Variants in GTF2H5 observed in about 807,000 individuals in gnomAD.
The protein encoded by GTF2H5 is TFB5 ortholog.
A neutral mutation model predicts 7.1 loss-of-function variants in GTF2H5; 5 were observed. The ratio of observed to expected loss-of-function variants is 0.71; its 90% CI spans 0.37 to 1.49. The LOEUF (loss-of-function observed/expected upper bound fraction) is 1.49, where lower values mean the gene tolerates loss of function less well. Among genes scored for constraint, GTF2H5 ranks in the 40% most tolerant of loss-of-function variants. GTF2H5 has a pLI of 0.03. For synonymous variants in GTF2H5, 30 were observed against 31.7 expected, an observed-to-expected ratio of 0.95 and a Z score of 0.18; for missense variants, 80 against 83.0, an observed-to-expected ratio of 0.96 and a Z score of 0.14.
intron 2 of GTF2H5, among the ~76,000 whole-genome samples, chr6:158,185,950 C>T (rs904074636): frequency 2.0e-5 from 3 of 152,090 alleles, no homozygotes; most frequent in East Asian, 1.9e-4. Flanking sequence ...GCCGTGATGA[C>T]GCCTACTGCC....
chr6:158,169,111 G>C (rs1013140935), intron 1 of GTF2H5, among the ~76,000 whole-genome samples: 1 of 150,664 alleles, frequency 6.6e-6, no homozygotes, highest in Non-Finnish European at 1.5e-5. Flanking sequence ...GCGGGCGCCT[G>C]TAGTCCCCGC....
At chr6:158,188,963 C>T (rs1221027198) in intron 2 of GTF2H5, among the ~76,000 whole-genome samples, 4 of 150,024 alleles carry the variant, frequency 2.7e-5, no homozygotes, top group African/African-American at 7.4e-5. Flanking sequence ...ACCTACCCAC[C>T]GCAATCCTTT....
chr6:158,169,514 T>TAA (rs1785751489), intron 1 of GTF2H5, among the ~76,000 whole-genome samples: 1 of 74,074 alleles, frequency 1.3e-5, no homozygotes, highest in South Asian at 3.9e-4. Context: ...ATATTGTATA[T>TAA]TATATATAAT....
In GTF2H5 at chr6:158,193,985, T is replaced by C. The variant is rs1777068315; in HGVS notation, c.*1828T>C. 1.0e-5 allele frequency: 1 copy of C among 98,768 alleles called. No homozygotes were observed. Among genetic ancestry groups the C allele is most frequent in the Non-Finnish European group, 1.8e-5 (1 of 55,174 alleles). 6.1% of individuals were successfully genotyped at this position (98,768 alleles called of 1,614,324 possible). ...GCCTGGGCGACAGAGGGAGACTCCA[T>C]CTCAAAAAAAAAAAAAAAAAAAAAT... On this transcript the variant is annotated 3_prime_UTR_variant, in exon 3 of 3. Transcript: ENST00000607778.
chr6:158,169,659 A>AT lies in GTF2H5; in HGVS notation c.-34-811_-34-810insT, dbSNP rs1562469003. ...ATTACATATATTGTATATTACATAT[A>AT]ATATATTGTATATTATATAATATAT... On this transcript the variant is annotated intron_variant, in intron 1 of 2. Coordinates refer to ENST00000607778, the MANE Select transcript of GTF2H5 (RefSeq NM_207118.3). Among the ~76,000 whole-genome samples, 3 of 68,676 alleles carry AT rather than the reference A, an allele frequency of 4.4e-5. 1 individual carries two copies. Among genetic ancestry groups the AT allele is most frequent in the East Asian group, 1.1e-3 (2 of 1,792 alleles). 45.1% of individuals were successfully genotyped at this position (68,676 alleles called of 152,430 possible).
At chr6:158,169,733 G>A (rs1212990802) in intron 1 of GTF2H5, among the ~76,000 whole-genome samples, 2,588 of 72,210 alleles carry the variant, frequency 0.036, 262 homozygotes, top group Non-Finnish European at 0.051. Context: ...ATAATATATT[G>A]TATATTATAT....
Position 158,169,425 on chromosome 6 carries a change from A to ATATGTATATTATATATTATATATAATAT in GTF2H5, c.-35+1033_-35+1034insGTATATTATATATTATATATAATATTAT, listed in dbSNP as rs1231681450. On this transcript the variant is annotated intron_variant, in intron 1 of 2. Transcript: ENST00000607778. ...TATTGTATATTATATATTATATATA[A>ATATGTATATTATATATTATATATAATAT]TATATTGTATATTATATATATTATA... 2.2e-3 allele frequency among the ~76,000 whole-genome samples: 162 copies of ATATGTATATTATATATTATATATAATAT among 72,828 alleles called. 9 individuals carry two copies. Among genetic ancestry groups the ATATGTATATTATATATTATATATAATAT allele is most frequent in the East Asian group, 8.7e-3 (16 of 1,836 alleles). The allele number at this position is 72,828 out of a possible 152,430, so 47.8% of individuals were successfully genotyped here. A position where few individuals can be genotyped will look rare whatever the true frequency, so the allele number is the denominator to read the frequency against.
rs1260406377 is a variant in GTF2H5 at position 158,196,792 on chromosome 6, A to G, written c.*4635A>G. On this transcript the variant is annotated 3_prime_UTR_variant, in exon 3 of 3. Transcript: ENST00000607778. ...TGGATAATTCATTTTAAGAAAGGAC[A>G]AGACAATGTTGAAGATGAAACCTAC... is the stretch of plus-strand genomic sequence containing the variant. The G allele has an allele frequency of 1.3e-5, 2 of 152,242 alleles. No homozygotes were observed. Among genetic ancestry groups the G allele is most frequent in the Non-Finnish European group, 2.9e-5 (2 of 68,038 alleles). The allele number at this position is 152,242 out of a possible 1,614,324, so 9.4% of individuals were successfully genotyped here. A position where few individuals can be genotyped will look rare whatever the true frequency, so the allele number is the denominator to read the frequency against.
intron 2 of GTF2H5, among the ~76,000 whole-genome samples, chr6:158,180,795 G>A (rs549025252): frequency 6.8e-6 from 1 of 146,096 alleles, no homozygotes; most frequent in Non-Finnish European, 1.5e-5. Flanking sequence ...TATCTATTTT[G>A]TTGATCTTTA....
intron 2 of GTF2H5, chr6:158,190,960 T>C (rs771202430): frequency 1.9e-6 from 1 of 513,778 alleles, no homozygotes; most frequent in African/African-American, 1.9e-5. Context: ...ATCCCTCTTT[T>C]CCCTTATGAC....
At chr6:158,190,762 C>T (rs1777013454) in intron 2 of GTF2H5, 2 of 378,388 alleles carry the variant, frequency 5.3e-6, no homozygotes, top group South Asian at 3.9e-5. Context: ...TTTCTCAAGA[C>T]ACCAAAAGAT....
Position 158,169,745 on chromosome 6 carries a change from TTATATAATATATTGTATATTA to T in GTF2H5, c.-34-698_-34-678del, listed in dbSNP as rs1562469404. ...TATATAATATATTGTATATTATATA[TTATATAATATATTGTATATTA>T]TATATAATATATTGTATATTATATA... On this transcript the variant is annotated intron_variant, in intron 1 of 2. Coordinates refer to ENST00000607778, the MANE Select transcript of GTF2H5 (RefSeq NM_207118.3). Among the ~76,000 whole-genome samples, 213 of 54,012 alleles carry T rather than the reference TTATATAATATATTGTATATTA, an allele frequency of 3.9e-3. 14 individuals are homozygous for T. Among genetic ancestry groups the T allele is most frequent in the African/African-American group, 0.014 (135 of 9,562 alleles). 35.4% of individuals were successfully genotyped at this position (54,012 alleles called of 152,430 possible).
Position 158,193,636 on chromosome 6 carries a change from C to G in GTF2H5, c.*1479C>G, listed in dbSNP as rs1302645710. 2 of 152,196 alleles carry G rather than the reference C, an allele frequency of 1.3e-5. No homozygotes were observed. Among genetic ancestry groups the G allele is most frequent in the African/African-American group, 4.8e-5 (2 of 41,434 alleles). 9.4% of individuals were successfully genotyped at this position (152,196 alleles called of 1,614,324 possible). ...ATACAGTTCACAGTTTTCATTCCCT[C>G]ATAGCAATGCAAAAAATTTTGATGA... is the stretch of plus-strand genomic sequence containing the variant. On this transcript the variant is annotated 3_prime_UTR_variant, in exon 3 of 3. Transcript: ENST00000607778.
intron 1 of GTF2H5, among the ~76,000 whole-genome samples, chr6:158,169,827 G>GTATATTATATATTATATTATATAT (rs1785822961): frequency 1.2e-5 from 1 of 81,092 alleles, no homozygotes; most frequent in African/African-American, 5.9e-5. Flanking sequence ...ATATAAAAGT[G>GTATATTATATATTATATTATATAT]TGTATATATA....
rs1777083795 is a variant in GTF2H5 at position 158,194,834 on chromosome 6, A to G, written c.*2677A>G. The G allele has an allele frequency of 6.6e-6, 1 of 152,256 alleles. No homozygotes were observed. Among genetic ancestry groups the G allele is most frequent in the South Asian group, 2.1e-4 (1 of 4,834 alleles). The allele number at this position is 152,256 out of a possible 1,614,324, so 9.4% of individuals were successfully genotyped here. On this transcript the variant is annotated 3_prime_UTR_variant, in exon 3 of 3. Transcript: ENST00000607778. ...AAGGTTAGTAAAAACAAGGTTAGGT[A>G]TTAGAACTGCAAAGAGTATTAAGTG...
intron 2 of GTF2H5, among the ~76,000 whole-genome samples, chr6:158,171,851 G>T (rs1465449883): frequency 6.6e-6 from 1 of 152,144 alleles, no homozygotes; most frequent in Non-Finnish European, 1.5e-5. Flanking sequence ...CGGGGGAGAG[G>T]TATTCACTTG....
At chr6:158,183,985 G>C (rs551792628) in intron 2 of GTF2H5, among the ~76,000 whole-genome samples, 1 of 152,176 alleles carries the variant, frequency 6.6e-6, no homozygotes, top group Non-Finnish European at 1.5e-5. Flanking sequence ...CTTCTGTGTC[G>C]ATCTTGCTGG....
At chr6:158,190,244 C>G (rs2128431893) in intron 2 of GTF2H5, among the ~76,000 whole-genome samples, 1 of 152,246 alleles carries the variant, frequency 6.6e-6, no homozygotes, top group Admixed American at 6.5e-5. Flanking sequence ...ACACATTCCT[C>G]TTTATCTCAG....
rs528661669 is a variant in GTF2H5, at chr6:158,196,904, T to C, written c.*4747T>C. On this transcript the variant is annotated 3_prime_UTR_variant, in exon 3 of 3. Coordinates refer to ENST00000607778, the MANE Select transcript of GTF2H5 (RefSeq NM_207118.3). ...GACCAATGATTAACAGCAGAAACGA[T>C]AGCCAACACAATATGCTCCTCAGTT... 11 of 152,312 alleles carry C rather than the reference T, an allele frequency of 7.2e-5. No homozygotes were observed. The highest frequency in any genetic ancestry group is 1.9e-4 in the East Asian group (1 of 5,192). 9.4% of individuals were successfully genotyped at this position (152,312 alleles called of 1,614,324 possible). A position where few individuals can be genotyped will look rare whatever the true frequency, so the allele number is the denominator to read the frequency against.
Sources: gnomAD v4.1 joint callset for allele counts (sites outside exome capture counted in the v4.1 genomes callset) on GRCh38, gnomAD v4.1.1 for gene constraint, MANE v1.5 for transcripts, NCBI Gene and HGNC (gene_info 2026-07-23, HGNC 2026-07-21) for gene names.